Variants in ZNF761 observed in about 807,000 individuals in gnomAD.
ZNF761 encodes zinc finger protein 761.
ZNF761 carries 43 observed loss-of-function variants against 59.9 expected under a neutral mutation model. The observed-to-expected ratio is 0.72, with a 90% confidence interval of 0.56 to 0.92. ZNF761 has a LOEUF of 0.92. Ranked by LOEUF, ZNF761 falls within the 40% of genes least tolerant of loss-of-function variation. The probability of loss-of-function intolerance (pLI) is 0.00; values close to 1 mark genes in which losing one functional copy is unlikely to be tolerated. For missense variants in ZNF761, 850 were observed against 906.1 expected (o/e 0.94, Z 0.79); for synonymous variants, 294 against 304.8 (o/e 0.96, Z 0.37).
intron 1 of ZNF761, among the ~76,000 whole-genome samples, chr19:53,436,256 C>T (rs2086041067): frequency 6.6e-6 from 1 of 152,194 alleles, no homozygotes; most frequent in South Asian, 2.1e-4. Context: ...TTGGATTCTA[C>T]TTTTTAACCT....
intron 4 of ZNF761, among the ~76,000 whole-genome samples, chr19:53,453,525 A>G (rs2086238545): frequency 6.6e-6 from 1 of 152,190 alleles, no homozygotes; most frequent in African/African-American, 2.4e-5. Context: ...TTATGATTGT[A>G]CATGAGGCTT....
chr19:53,451,443 A>C (rs1176154067), intron 4 of ZNF761, among the ~76,000 whole-genome samples: 1 of 152,148 alleles, frequency 6.6e-6, no homozygotes, highest in African/African-American at 2.4e-5. Flanking sequence ...CCCTGCCCTC[A>C]ACTGATCCAC....
Position 53,433,378 on chromosome 19 carries a change from T to A in ZNF761, c.-185+1350T>A, listed in dbSNP as rs1165289074. Among the ~76,000 whole-genome samples the A allele has an allele frequency of 2.6e-5, 4 of 152,118 alleles. No homozygotes were observed. In the East Asian group the frequency reaches 7.7e-4, roughly 29 times the overall value. On this transcript the variant is annotated intron_variant, in intron 1 of 4. Transcript: ENST00000684525. ...AACAAGAACAGCTAAATACACACATTTGTCCTTTTTTTTTTTTTCTTCACT... is the reference window on the plus strand; with the variant it reads ...AACAAGAACAGCTAAATACACACATATGTCCTTTTTTTTTTTTTCTTCACT...
intron 1 of ZNF761, among the ~76,000 whole-genome samples, chr19:53,433,699 T>C (rs1162116726): frequency 2.0e-5 from 3 of 152,062 alleles, no homozygotes; most frequent in Admixed American, 1.3e-4. Flanking sequence ...AGTGGTAGTC[T>C]GCCTGGTCGC....
chr19:53,435,851 T>G (rs2086036685), intron 1 of ZNF761, among the ~76,000 whole-genome samples: 1 of 152,096 alleles, frequency 6.6e-6, no homozygotes, highest in South Asian at 2.1e-4. Context: ...AGAACAATAA[T>G]AAAACAGTTA....
Position 53,456,797 on chromosome 19 carries a change from T to C in ZNF761, c.*49T>C, listed in dbSNP as rs2086276952. 1 of 1,581,978 alleles carries C rather than the reference T, an allele frequency of 6.3e-7. No individual in the cohort carries two copies. Among genetic ancestry groups the C allele is most frequent in the Non-Finnish European group, 8.7e-7 (1 of 1,154,290 alleles). On this transcript the variant is annotated 3_prime_UTR_variant, in exon 5 of 5. Coordinates refer to ENST00000684525, the MANE Select transcript of ZNF761 (RefSeq NM_001289951.2). ...AACAAGCACACCTTGCAGGTCATCA[T>C]AGAATTCATACTGGGGAGAAACCTT...
At chr19:53,454,221 G>A (rs921235324) in intron 4 of ZNF761, among the ~76,000 whole-genome samples, 1 of 152,174 alleles carries the variant, frequency 6.6e-6, no homozygotes, top group African/African-American at 2.4e-5. Context: ...ATCCTTACAT[G>A]AGCTTGTTGT....
Position 53,457,219 on chromosome 19 carries a change from TC to T in ZNF761, c.*473del. 2.1e-6 allele frequency: 1 copy of T among 485,446 alleles called. No individual in the cohort carries two copies. Among genetic ancestry groups the T allele is most frequent in the Non-Finnish European group, 4.1e-6 (1 of 242,418 alleles). The allele number at this position is 485,446 out of a possible 1,614,324, so 30.1% of individuals were successfully genotyped here. A position where few individuals can be genotyped will look rare whatever the true frequency, so the allele number is the denominator to read the frequency against. ...ACAACCATTGTGAATCACTGGAGAATCCATAAGGAAGAGAGATCATACTAGG... is the reference window on the plus strand; with the variant it reads ...ACAACCATTGTGAATCACTGGAGAATCATAAGGAAGAGAGATCATACTAGG... On this transcript the variant is annotated 3_prime_UTR_variant, in exon 5 of 5. Transcript: ENST00000684525.
At chr19:53,449,202 C>T (rs1434847056) in intron 3 of ZNF761, among the ~76,000 whole-genome samples, 2 of 152,026 alleles carry the variant, frequency 1.3e-5, no homozygotes, top group African/African-American at 4.8e-5. Flanking sequence ...TGGTGGCATG[C>T]ACCTGTAATT....
In ZNF761 at chr19:53,456,727, T is replaced by C. The variant is rs144174238; in HGVS notation, c.2220T>C (p.His740=). Residue 740 remains histidine (H), a synonymous_variant, in exon 5 of 5, where the codon CAT becomes CAC. Transcript: ENST00000684525. ...KSNLTCHRRL[H]TGEKQV is the part of the protein sequence containing the mutation. The stretch of plus-strand genomic sequence containing the variant: ...ACCTTACATGCCATCGTAGACTTCA[T>C]ACTGGAGAAAAACAAGTGTAATGAA... The C allele has an allele frequency of 3.3e-5, 54 of 1,613,854 alleles. No individual in the cohort carries two copies. In the East Asian group the frequency reaches 1.1e-3, roughly 34 times the overall value.
chr19:53,445,969 C>T (rs2086155035), intron 1 of ZNF761, among the ~76,000 whole-genome samples: 1 of 152,200 alleles, frequency 6.6e-6, no homozygotes. Context: ...CCCTCTGCCC[C>T]AGTCACATTT....
intron 4 of ZNF761, among the ~76,000 whole-genome samples, chr19:53,452,918 C>T (rs2086233482): frequency 6.6e-6 from 1 of 152,172 alleles, no homozygotes; most frequent in Admixed American, 6.5e-5. Context: ...AGGTAGCCTG[C>T]ATCATATTTT....
chr19:53,444,672 A>G (rs565926611), intron 1 of ZNF761: 6 of 152,222 alleles, frequency 3.9e-5, no homozygotes, highest in African/African-American at 1.2e-4. Context: ...CTTTCTCTAT[A>G]CTTTGTCTCT....
rs973460539 is a variant in ZNF761, at chr19:53,457,718, A to G, written c.*970A>G. ...TTAAGAGGATTGGGCCAGGCACATC[A>G]GCTTACACCTGTAATCTGAGCGCTT... On this transcript the variant is annotated 3_prime_UTR_variant, in exon 5 of 5. Coordinates refer to ENST00000684525, the MANE Select transcript of ZNF761 (RefSeq NM_001289951.2). 5.3e-6 allele frequency: 1 copy of G among 187,828 alleles called. No individual in the cohort carries two copies. 11.6% of individuals were successfully genotyped at this position (187,828 alleles called of 1,614,324 possible).
At chr19:53,441,152 T>C (rs915856089) in intron 1 of ZNF761, among the ~76,000 whole-genome samples, 1 of 152,082 alleles carries the variant, frequency 6.6e-6, no homozygotes, top group African/African-American at 2.4e-5. Flanking sequence ...CATGGTGGTG[T>C]GCACCTGTAG....
chr19:53,455,016 A>G lies in ZNF761; in HGVS notation c.509A>G (p.Asp170Gly). 1 of 1,614,182 alleles carries G rather than the reference A, an allele frequency of 6.2e-7. No homozygotes were observed. The highest frequency in any genetic ancestry group is 8.5e-7 in the Non-Finnish European group (1 of 1,180,034). The part of the protein sequence containing the change: ...IDNQVVKSVH[D>G]ASLVSTAQRI... The stretch of plus-strand genomic sequence containing the variant: ...AATCAAGTTGTGAAGTCTGTCCACG[A>G]TGCTTCCTTGGTTTCAACAGCCCAA... The change falls in exon 5 of 5, where the codon GAT becomes GGT. Residue 170 changes from aspartate (D) to glycine (G), a missense_variant. Coordinates refer to ENST00000684525, the MANE Select transcript of ZNF761 (RefSeq NM_001289951.2).
Position 53,455,133 on chromosome 19 carries a change from A to C in ZNF761, c.626A>C (p.His209Pro), listed in dbSNP as rs1319670495. Residue 209 changes from histidine to proline, a missense_variant, in exon 5 of 5, where the codon CAC (histidine) becomes CCC (proline). Transcript: ENST00000684525. Reference sequence around the variant, plus strand: ...TTACTCACACAAAAACAGGAAGTACACATGAGAGAAAAATCTTTCCAATGT... The same window carrying C: ...TTACTCACACAAAAACAGGAAGTACCCATGAGAGAAAAATCTTTCCAATGT... ...SSLLTQKQEV[H>P]MREKSFQCNE... The C allele has an allele frequency of 6.2e-7, 1 of 1,614,218 alleles. No homozygotes were observed. Among genetic ancestry groups the C allele is most frequent in the Non-Finnish European group, 8.5e-7 (1 of 1,180,030 alleles).
chr19:53,455,428 C>G lies in ZNF761; in HGVS notation c.921C>G (p.Phe307Leu). ...AATGTGAAGAATGTGACAAAGCTTT[C>G]CATTTCAAATCAATACTTGAAAGAC... is the stretch of plus-strand genomic sequence containing the variant. ...PYKCEECDKA[F>L]HFKSILERHR... The change falls in exon 5 of 5, where the codon TTC becomes TTG. Residue 307 changes from phenylalanine (F) to leucine (L), a missense_variant. By Grantham distance (22) the Phe-to-Leu change is conservative. Coordinates refer to ENST00000684525, the MANE Select transcript of ZNF761 (RefSeq NM_001289951.2). 1.2e-6 allele frequency: 2 copies of G among 1,611,226 alleles called. No individual in the cohort carries two copies. Among genetic ancestry groups the G allele is most frequent in the Non-Finnish European group, 1.7e-6 (2 of 1,179,592 alleles).
At chr19:53,445,601 G>A (rs2086148924) in intron 1 of ZNF761, among the ~76,000 whole-genome samples, 1 of 152,134 alleles carries the variant, frequency 6.6e-6, no homozygotes, top group Non-Finnish European at 1.5e-5. Flanking sequence ...AATAGTGCAT[G>A]TCTTGGCGTG....
Sources: allele counts gnomAD v4.1 joint callset (sites outside exome capture counted in the v4.1 genomes callset), GRCh38; gene constraint gnomAD v4.1.1; transcripts MANE v1.5; gene names NCBI Gene and HGNC (gene_info 2026-07-23, HGNC 2026-07-21).